The following SLC4A7 variants were observed in gnomAD, a reference collection of about 807,000 sequenced individuals.
SLC4A7 encodes solute carrier family 4 member 7.
In SLC4A7, 51 loss-of-function variants were observed where a neutral mutation model predicts 137.6. The ratio of observed to expected loss-of-function variants is 0.37; its 90% CI spans 0.30 to 0.47. SLC4A7 has a LOEUF of 0.47. Ranked by LOEUF, SLC4A7 falls within the 20% of genes least tolerant of loss-of-function variation. The pLI, the probability that SLC4A7 is intolerant of heterozygous loss-of-function variation, is 1.00. For missense variants in SLC4A7, 1,247 were observed against 1,525.4 expected (o/e 0.82, Z 3.04); for synonymous variants, 542 against 518.6 (o/e 1.05, Z -0.61).
chr3:27,446,649 A>G (rs900486012), intron 3 of SLC4A7, among the ~76,000 whole-genome samples: 1 of 152,116 alleles, frequency 6.6e-6, no homozygotes, highest in African/African-American at 2.4e-5. Flanking sequence ...ATTTACTCAC[A>G]GAAGAACCTA....
chr3:27,452,382 T>C (rs770462050), intron 2 of SLC4A7, 35 bp downstream of exon 2: 1 of 1,331,358 alleles, frequency 7.5e-7, no homozygotes, highest in Non-Finnish European at 1.1e-6. Context: ...TAAATTATCC[T>C]ACTAAGCGAA....
Position 27,394,719 on chromosome 3 carries a change from T to G in SLC4A7, c.2916A>C (p.Gly972=). 6.2e-7 allele frequency: 1 copy of G among 1,614,096 alleles called. No individual in the cohort carries two copies. Among genetic ancestry groups the G allele is most frequent in the Non-Finnish European group, 8.5e-7 (1 of 1,179,998 alleles). Reference sequence around the variant, plus strand: ...ATGGAAGTCCCATGACAGAGCAAACTCCCAACATAACGCCAACCATGAGCA... The same window carrying G: ...ATGGAAGTCCCATGACAGAGCAAACGCCCAACATAACGCCAACCATGAGCA... ...LDLLMVGVML[G]VCSVMGLPWF... is the part of the protein sequence containing the mutation. Residue 972 remains glycine (G), a synonymous_variant, in exon 20 of 26, where the codon GGA becomes GGC. Transcript: ENST00000454389.
At chr3:27,462,621 G>A in intron 1 of SLC4A7, 1 of 162,670 alleles carries the variant, frequency 6.1e-6, no homozygotes, top group Non-Finnish European at 1.4e-5. Context: ...AATCTTAAAA[G>A]GACCAGTTCA....
At chr3:27,463,527 C>T (rs1226593174) in intron 1 of SLC4A7, among the ~76,000 whole-genome samples, 2 of 152,014 alleles carry the variant, frequency 1.3e-5, no homozygotes, top group Non-Finnish European at 2.9e-5. Context: ...GCAACAAGAG[C>T]GAAACTCCAC....
chr3:27,425,369 CTA>C (rs1491389031), intron 7 of SLC4A7, among the ~76,000 whole-genome samples: 1 of 24,534 alleles, frequency 4.1e-5, no homozygotes. Flanking sequence ...AAACTCCGTC[CTA>C]AAAAAAAAAA....
chr3:27,454,380 C>T (rs981892275), intron 1 of SLC4A7, among the ~76,000 whole-genome samples: 18 of 152,112 alleles, frequency 1.2e-4, no homozygotes, highest in Admixed American at 1.2e-3. Flanking sequence ...GCAGCAGAAT[C>T]GCTTGAACCC....
intron 5 of SLC4A7, among the ~76,000 whole-genome samples, chr3:27,434,844 T>C (rs1311393606): frequency 1.3e-5 from 2 of 152,098 alleles, no homozygotes; most frequent in Admixed American, 1.3e-4. Flanking sequence ...AAAAAAACCC[T>C]GGAAGGACCA....
At chr3:27,389,598 A>G (rs2051322890) in intron 22 of SLC4A7, among the ~76,000 whole-genome samples, 1 of 152,186 alleles carries the variant, frequency 6.6e-6, no homozygotes, top group African/African-American at 2.4e-5. Context: ...AAAGTATTTT[A>G]ATAATGAACC....
rs547156904 is a variant in SLC4A7 at position 27,443,624 on chromosome 3, G to A, written c.289+5027C>T. 9.9e-5 allele frequency among the ~76,000 whole-genome samples: 15 copies of A among 150,826 alleles called. No individual in the cohort carries two copies. The South Asian group carries it at 3.1e-3, about 32-fold the overall frequency. Reference sequence around the variant, plus strand: ...AAGTCACTGATTTCAACTTTTTTCTGTTCTAATATAAGGATTAAATGCTAC... The same window carrying A: ...AAGTCACTGATTTCAACTTTTTTCTATTCTAATATAAGGATTAAATGCTAC... On this transcript the variant is annotated intron_variant, in intron 3 of 25. Transcript: ENST00000454389.
intron 1 of SLC4A7, among the ~76,000 whole-genome samples, chr3:27,479,972 G>C (rs936301945): frequency 6.6e-6 from 1 of 152,140 alleles, no homozygotes; most frequent in Non-Finnish European, 1.5e-5. Context: ...GAGGAAAAGA[G>C]GAAGAAAACA....
intron 3 of SLC4A7, among the ~76,000 whole-genome samples, chr3:27,446,735 T>C (rs2057665868): frequency 1.3e-5 from 2 of 152,094 alleles, no homozygotes; most frequent in South Asian, 2.1e-4. Flanking sequence ...TCTAAATTAC[T>C]TAGTATCACC....
In SLC4A7 at chr3:27,434,064, G is replaced by A. The variant is rs750264145; in HGVS notation, c.630C>T (p.Asp210=). The A allele has an allele frequency of 1.2e-5, 20 of 1,612,774 alleles. No individual in the cohort carries two copies. The South Asian group carries it at 1.3e-4, about 11-fold the overall frequency. The change falls in exon 6 of 26, where the codon GAC becomes GAT. Residue 210 remains aspartate (D), a synonymous_variant. Coordinates refer to ENST00000454389, the MANE Select transcript of SLC4A7 (RefSeq NM_001321103.2). ...LDNMIASGQL[D]ESIRENVREA... ...CTCTGACATTCTCTCGTATGGACTC[G>A]TCTAATTGGCCAGAAGCTATCATGT...
chr3:27,414,137 G>A (rs567210611), intron 11 of SLC4A7, among the ~76,000 whole-genome samples: 8 of 152,150 alleles, frequency 5.3e-5, no homozygotes, highest in African/African-American at 1.2e-4. Flanking sequence ...AAAATTAGCC[G>A]GACATGGTGG....
rs569272861 is a variant in SLC4A7, at chr3:27,429,947, G to A, written c.1150+1351C>T. ...AAAAAAAGGTATGGCTGGGCCTGGT[G>A]ACTCACACCTATAATCCCAGCATTT... On this transcript the variant is annotated intron_variant, in intron 7 of 25. Transcript: ENST00000454389. Among the ~76,000 whole-genome samples, 8 of 152,258 alleles carry A rather than the reference G, an allele frequency of 5.3e-5. No homozygotes were observed. The South Asian group carries it at 1.5e-3, about 28-fold the overall frequency.
At chr3:27,473,772 GT>G (rs1274295684) in intron 1 of SLC4A7, among the ~76,000 whole-genome samples, 5 of 147,562 alleles carry the variant, frequency 3.4e-5, no homozygotes, top group Admixed American at 3.4e-4. Context: ...ATGCTACATA[GT>G]TATTCTCGAA....
chr3:27,459,832 G>A (rs1171961284), intron 1 of SLC4A7, among the ~76,000 whole-genome samples: 1 of 151,916 alleles, frequency 6.6e-6, no homozygotes, highest in East Asian at 1.9e-4. Context: ...TGCTAGAGTT[G>A]CCATTATAAC....
At chr3:27,420,443 A>T (rs912187078) in intron 10 of SLC4A7, among the ~76,000 whole-genome samples, 1 of 152,160 alleles carries the variant, frequency 6.6e-6, no homozygotes, top group African/African-American at 2.4e-5. Flanking sequence ...CAAAATTTCG[A>T]AAGTTCAAGA....
chr3:27,461,821 G>GC lies in SLC4A7; in HGVS notation c.61-9324dup, dbSNP rs549571679. 3.5e-4 allele frequency among the ~76,000 whole-genome samples: 53 copies of GC among 151,674 alleles called. 2 individuals carry two copies. In the East Asian group the frequency reaches 9.7e-3, roughly 28 times the overall value. On this transcript the variant is annotated intron_variant, in intron 1 of 25. Transcript: ENST00000454389. ...CCAAAAAAAAAAAAAAATTAGCCGG[G>GC]CACTGTGGCATGCTCCTGTAGTCCT...
chr3:27,462,404 C>G (rs1427341801), intron 1 of SLC4A7: 2 of 152,124 alleles, frequency 1.3e-5, no homozygotes, highest in Non-Finnish European at 2.9e-5. Flanking sequence ...CACTCCTGCT[C>G]CTGACTCACA....
Sources: gnomAD v4.1 joint callset for allele counts (sites outside exome capture counted in the v4.1 genomes callset) on GRCh38, gnomAD v4.1.1 for gene constraint, MANE v1.5 for transcripts, NCBI Gene and HGNC (gene_info 2026-07-23, HGNC 2026-07-21) for gene names.